RHPN1: variants seen among roughly 807,000 people sequenced by gnomAD.
RHPN1 encodes rhophilin Rho GTPase binding protein 1, also known as rhophilin-1.
RHPN1 carries 77 observed loss-of-function variants against 74.7 expected under a neutral mutation model. The observed-to-expected ratio is 1.03, with a 90% CI of 0.86 to 1.25. The LOEUF is 1.25. Among genes scored for constraint, RHPN1 ranks in the 50% most tolerant of loss-of-function variants. RHPN1 has a pLI of 0.00. For synonymous variants in RHPN1, 444 were observed against 414.5 expected (o/e 1.07, Z -0.87); for missense variants, 987 against 932.2 (o/e 1.06, Z -0.77).
Position 143,380,071 on chromosome 8 carries a change from A to G in RHPN1, c.1112A>G (p.Glu371Gly), listed in dbSNP as rs951454416. 6.5e-7 allele frequency: 1 copy of G among 1,548,832 alleles called. No homozygotes were observed. Among genetic ancestry groups the G allele is most frequent in the African/African-American group, 1.4e-5 (1 of 73,096 alleles). ...CCTCTCTGTCCCCCAGCAGCGACCG[A>G]GGGAGAGCTCCCCACGCACGAGCAG... Reference protein sequence around the residue: ...MALCDGSPATEGELPTHEQVF... With the variant: ...MALCDGSPATGGELPTHEQVF... The change falls in exon 10 of 15, where the codon GAG (glutamate) becomes GGG (glycine). Residue 371 changes from glutamate (E) to glycine (G), a missense_variant. Glu to Gly is a moderately conservative substitution (Grantham distance 98). Coordinates refer to ENST00000289013, the MANE Select transcript of RHPN1 (RefSeq NM_052924.3).
intron 4 of RHPN1, 85 bp downstream of exon 4, chr8:143,377,540 G>A: frequency 1.1e-6 from 1 of 938,652 alleles, no homozygotes; most frequent in South Asian, 1.5e-5. Context: ...CCAGCTGTCT[G>A]GTTGAACAGA....
intron 4 of RHPN1, among the ~76,000 whole-genome samples, 183 bp downstream of exon 4, chr8:143,377,638 C>T (rs1009301309): frequency 4.6e-5 from 7 of 151,418 alleles, no homozygotes; most frequent in East Asian, 3.9e-4. Flanking sequence ...GCCTCTGCTG[C>T]GTTCAGGGCC....
rs2130593326 is a variant in RHPN1 at position 143,378,970 on chromosome 8, A to G, written c.643A>G (p.Ser215Gly). Reference sequence around the variant, plus strand: ...GCGTGCCCTGGCCTTCGAGAAGGGCAGCGTTCTCTTCAACATCGGTGCCCT... The same window carrying G: ...GCGTGCCCTGGCCTTCGAGAAGGGCGGCGTTCTCTTCAACATCGGTGCCCT... Reference protein sequence around the residue: ...QQRALAFEKGSVLFNIGALHT... With the variant: ...QQRALAFEKGGVLFNIGALHT... Residue 215 changes from serine (S) to glycine (G), a missense_variant, in exon 7 of 15, where the codon AGC becomes GGC. Physicochemically the swap from Ser to Gly is moderately conservative, Grantham distance 56. Transcript: ENST00000289013. 1.3e-5 allele frequency: 20 copies of G among 1,565,522 alleles called. No individual in the cohort carries two copies. The highest frequency in any genetic ancestry group is 4.1e-5 in the African/African-American group (3 of 73,556).
chr8:143,378,356 T>TCCCGC lies in RHPN1; in HGVS notation c.459+13_459+14insGCCCC. 1.3e-6 allele frequency: 2 copies of TCCCGC among 1,525,440 alleles called. No individual in the cohort carries two copies. The highest frequency in any genetic ancestry group is 1.2e-5 in the South Asian group (1 of 83,568). 94.5% of individuals were successfully genotyped at this position (1,525,440 alleles called of 1,614,324 possible). On this transcript the variant is annotated intron_variant, in intron 5 of 14. Transcript: ENST00000289013. ...GGAGGCCCTGCGGCAGGTGTGTGGT[T>TCCCGC]CCCCCGCCCACCCACCCTCCTGCAG...
At chr8:143,380,850 AAGGG>A in intron 11 of RHPN1, 67 bp downstream of exon 11, 1 of 1,284,246 alleles carries the variant, frequency 7.8e-7, no homozygotes, top group Non-Finnish European at 1.1e-6. Context: ...GTCCTGGAGA[AAGGG>A]AGGCTGATTG....
At chr8:143,379,626 C>T in intron 8 of RHPN1, 118 bp downstream of exon 8, 2 of 1,449,200 alleles carry the variant, frequency 1.4e-6, no homozygotes, top group Non-Finnish European at 1.8e-6. Flanking sequence ...CCCGAGCCAG[C>T]TGTTGTCCTG....
chr8:143,383,061 C>G lies in RHPN1; in HGVS notation c.*410C>G. ...TGCCCAGTGATTCCTGCTGGGCACC[C>G]CTTCGCTCACTGCCCCTCCACCATG... On this transcript the variant is annotated 3_prime_UTR_variant, in exon 15 of 15. Coordinates refer to ENST00000289013, the MANE Select transcript of RHPN1 (RefSeq NM_052924.3). The G allele has an allele frequency of 4.4e-6, 1 of 226,206 alleles. No individual in the cohort carries two copies. Among genetic ancestry groups the G allele is most frequent in the Non-Finnish European group, 8.8e-6 (1 of 113,288 alleles). The allele number at this position is 226,206 out of a possible 1,614,324, so 14.0% of individuals were successfully genotyped here.
chr8:143,378,357 C>CGGGGGGGG lies in RHPN1; in HGVS notation c.459+11_459+12insGGGGGGGG. ...GAGGCCCTGCGGCAGGTGTGTGGTT[C>CGGGGGGGG]CCCCGCCCACCCACCCTCCTGCAGC... On this transcript the variant is annotated intron_variant, in intron 5 of 14. Transcript: ENST00000289013. The CGGGGGGGG allele has an allele frequency of 3.6e-5, 55 of 1,520,476 alleles. No homozygotes were observed. The highest frequency in any genetic ancestry group is 4.2e-5 in the Non-Finnish European group (47 of 1,126,746). The allele number at this position is 1,520,476 out of a possible 1,614,324, so 94.2% of individuals were successfully genotyped here.
chr8:143,374,391 A>G, intron 1 of RHPN1: 2 of 890,476 alleles, frequency 2.2e-6, no homozygotes, highest in South Asian at 1.0e-4. Flanking sequence ...AAGCAGTCCC[A>G]GGAGCCACCA....
chr8:143,378,356 T>TCGGGGGGGGGGGGGGCCCCCC lies in RHPN1; in HGVS notation c.459+11_459+12insGGGGGGGGGGGGGGCCCCCCC. ...GGAGGCCCTGCGGCAGGTGTGTGGTTCCCCCGCCCACCCACCCTCCTGCAG... is the reference window on the plus strand; with the variant it reads ...GGAGGCCCTGCGGCAGGTGTGTGGTTCGGGGGGGGGGGGGGCCCCCCCCCCCGCCCACCCACCCTCCTGCAG... On this transcript the variant is annotated intron_variant, in intron 5 of 14. Transcript: ENST00000289013. 2 of 1,525,424 alleles carry TCGGGGGGGGGGGGGGCCCCCC rather than the reference T, an allele frequency of 1.3e-6. No homozygotes were observed. Among genetic ancestry groups the TCGGGGGGGGGGGGGGCCCCCC allele is most frequent in the Non-Finnish European group, 8.8e-7 (1 of 1,136,340 alleles). 94.5% of individuals were successfully genotyped at this position (1,525,424 alleles called of 1,614,324 possible).
chr8:143,376,461 A>T, intron 2 of RHPN1, 64 bp from the exon 3 acceptor site: 1 of 1,589,490 alleles, frequency 6.3e-7, no homozygotes, highest in South Asian at 1.1e-5. Context: ...GGACGGCTGC[A>T]GTGGGCACGG....
chr8:143,367,954 T>C (rs773645976), upstream of RHPN1: 1 of 152,500 alleles, frequency 6.6e-6, no homozygotes, highest in African/African-American at 2.4e-5. Context: ...CGCAGGGAGC[T>C]GTGCAGTCTC....
rs963942161 is a variant in RHPN1, at chr8:143,377,446, A to G, written c.372A>G (p.Thr124=). 1.2e-6 allele frequency: 2 copies of G among 1,612,398 alleles called. No homozygotes were observed. The highest frequency in any genetic ancestry group is 1.7e-5 in the Admixed American group (1 of 59,980). ...AGACCAAGGAGCTGGACTGGTCTACACCGCTGAAGGTAGGTACTGGCCTCC... is the reference window on the plus strand; with the variant it reads ...AGACCAAGGAGCTGGACTGGTCTACGCCGCTGAAGGTAGGTACTGGCCTCC... ...LKETKELDWS[T]PLKELISVHF... The change falls in exon 4 of 15, where the codon ACA becomes ACG. Residue 124 remains threonine, a synonymous_variant. Coordinates refer to ENST00000289013, the MANE Select transcript of RHPN1 (RefSeq NM_052924.3).
At chr8:143,381,739 C>T (rs11783706) in intron 13 of RHPN1, 21 bp downstream of exon 13, 3 of 1,606,512 alleles carry the variant, frequency 1.9e-6, no homozygotes, top group Non-Finnish European at 2.5e-6. Context: ...CGCCGGCCCC[C>T]TGAGGCTGAG....
chr8:143,373,569 C>T (rs1351411006), intron 1 of RHPN1, among the ~76,000 whole-genome samples: 1 of 22,434 alleles, frequency 4.5e-5, no homozygotes, highest in Admixed American at 4.8e-4. Context: ...TGGGGGATGG[C>T]GTGGGTTCCA....
In RHPN1 at chr8:143,382,915, C is replaced by T. The variant is rs990059866; in HGVS notation, c.*264C>T. The T allele has an allele frequency of 9.4e-6, 5 of 532,900 alleles. No individual in the cohort carries two copies. In the Admixed American group the frequency reaches 1.3e-4, roughly 14 times the overall value. 33.0% of individuals were successfully genotyped at this position (532,900 alleles called of 1,614,324 possible). A position where few individuals can be genotyped will look rare whatever the true frequency, so the allele number is the denominator to read the frequency against. On this transcript the variant is annotated 3_prime_UTR_variant, in exon 15 of 15. Transcript: ENST00000289013. ...TCCTGGGGCTGCCCCACCCTGAGGG[C>T]TCCTTACAGGGTGCTCCTCACAGCC...
At chr8:143,374,131 C>T (rs748195916) in intron 1 of RHPN1, 2 of 985,290 alleles carry the variant, frequency 2.0e-6, no homozygotes, top group African/African-American at 3.5e-5. Flanking sequence ...AGAACTCTCT[C>T]CAGATATCTA....
chr8:143,380,709 G>T lies in RHPN1; in HGVS notation c.1337G>T (p.Arg446Leu). Reference protein sequence around the residue: ...LRAVISQTLQRSLAKYAELDR... With the variant: ...LRAVISQTLQLSLAKYAELDR... ...GCTGTGATCTCCCAGACGCTGCAGCGCTCACTGGCCAAGTATGCGGAGCTC... is the reference window on the plus strand; with the variant it reads ...GCTGTGATCTCCCAGACGCTGCAGCTCTCACTGGCCAAGTATGCGGAGCTC... The change falls in exon 11 of 15, where the codon CGC becomes CTC. Residue 446 changes from arginine to leucine, a missense_variant. By Grantham distance (102) the Arg-to-Leu change is moderately radical. Coordinates refer to ENST00000289013, the MANE Select transcript of RHPN1 (RefSeq NM_052924.3). 1 of 1,591,818 alleles carries T rather than the reference G, an allele frequency of 6.3e-7. No individual in the cohort carries two copies. Among genetic ancestry groups the T allele is most frequent in the South Asian group, 1.1e-5 (1 of 87,570 alleles).
intron 11 of RHPN1, 73 bp downstream of exon 11, chr8:143,380,856 G>A: frequency 3.2e-6 from 4 of 1,235,550 alleles, no homozygotes; most frequent in Non-Finnish European, 4.4e-6. Context: ...GAGAAAGGGA[G>A]GCTGATTGCA....
Sources: allele counts gnomAD v4.1 joint callset (sites outside exome capture counted in the v4.1 genomes callset), GRCh38; gene constraint gnomAD v4.1.1; transcripts MANE v1.5; gene names NCBI Gene and HGNC (gene_info 2026-07-23, HGNC 2026-07-21).